Variants in METTL15 observed in about 807,000 individuals in gnomAD.
The protein encoded by METTL15 is 12S rRNA N(4)-cytidine methyltransferase METTL15.
In METTL15, 34 loss-of-function variants were observed where a neutral mutation model predicts 38.3. The ratio of observed to expected loss-of-function variants is 0.89; its 90% CI spans 0.68 to 1.18. METTL15 has a LOEUF of 1.18. Ranked by LOEUF, METTL15 falls within the 50% of genes most tolerant of loss-of-function variation. The pLI, the probability that METTL15 is intolerant of heterozygous loss-of-function variation, is 0.00. For synonymous variants in METTL15, 162 were observed against 170.9 expected, an observed-to-expected ratio of 0.95 and a Z score of 0.41; for missense variants, 438 against 498.4, an observed-to-expected ratio of 0.88 and a Z score of 1.15.
intron 3 of METTL15, among the ~76,000 whole-genome samples, chr11:28,128,439 GTGT>G (rs1386249004): frequency 6.6e-6 from 1 of 152,068 alleles, no homozygotes; most frequent in Non-Finnish European, 1.5e-5. Context: ...TTTTGTAAAT[GTGT>G]TGTTTGCTGA....
At chr11:28,511,063 C>G (rs1851669707) in intron 6 of METTL15, among the ~76,000 whole-genome samples, 1 of 152,200 alleles carries the variant, frequency 6.6e-6, no homozygotes, top group African/African-American at 2.4e-5. Flanking sequence ...GGAAGGCCAC[C>G]TATTGTTAAT....
At chr11:28,519,525 A>G (rs1456438033) in intron 6 of METTL15, among the ~76,000 whole-genome samples, 1 of 151,414 alleles carries the variant, frequency 6.6e-6, no homozygotes, top group African/African-American at 2.4e-5. Flanking sequence ...ACTGCACTCC[A>G]GCCTGGGCGA....
intron 4 of METTL15, among the ~76,000 whole-genome samples, chr11:28,238,128 C>G (rs1282739631): frequency 6.6e-6 from 1 of 152,222 alleles, no homozygotes; most frequent in Admixed American, 6.5e-5. Context: ...CCACTGCTCT[C>G]TTCAAAGCTG....
chr11:28,425,250 A>G (rs1850853983), intron 6 of METTL15, among the ~76,000 whole-genome samples: 1 of 152,180 alleles, frequency 6.6e-6, no homozygotes. Flanking sequence ...CATTCTTTCC[A>G]CACAGAAGTC....
At chr11:28,436,254 G>C (rs1850981169) in intron 6 of METTL15, among the ~76,000 whole-genome samples, 1 of 152,110 alleles carries the variant, frequency 6.6e-6, no homozygotes, top group African/African-American at 2.4e-5. Flanking sequence ...CAACTTTTCT[G>C]ACCCAAAGCC....
intron 6 of METTL15, among the ~76,000 whole-genome samples, chr11:28,453,855 TTTGG>T (rs1431280215): frequency 6.6e-6 from 1 of 152,170 alleles, no homozygotes; most frequent in Non-Finnish European, 1.5e-5. Flanking sequence ...GAAAAATCTG[TTTGG>T]TTGGTTGGTT....
intron 6 of METTL15, among the ~76,000 whole-genome samples, chr11:28,324,858 G>A (rs1849581713): frequency 6.6e-6 from 1 of 152,192 alleles, no homozygotes; most frequent in South Asian, 2.1e-4. Context: ...CCGTAGGCAG[G>A]TGAAAGATGA....
chr11:28,476,380 G>T (rs1209041151), intron 6 of METTL15, among the ~76,000 whole-genome samples: 3 of 152,110 alleles, frequency 2.0e-5, no homozygotes, highest in Admixed American at 2.0e-4. Context: ...TGACCCAGAT[G>T]GTAGATAAGG....
intron 4 of METTL15, among the ~76,000 whole-genome samples, chr11:28,361,763 G>C (rs1310618611): frequency 6.6e-6 from 1 of 152,056 alleles, no homozygotes; most frequent in Non-Finnish European, 1.5e-5. Context: ...TGGATCCCAA[G>C]AGTTTGGGGT....
intron 6 of METTL15, among the ~76,000 whole-genome samples, chr11:28,304,148 T>C (rs1205725317): frequency 6.6e-6 from 1 of 152,186 alleles, no homozygotes; most frequent in Non-Finnish European, 1.5e-5. Flanking sequence ...CTCTTGAGTG[T>C]GGACTTCCAT....
intron 6 of METTL15, among the ~76,000 whole-genome samples, chr11:28,442,195 CA>C (rs1322196491): frequency 2.6e-5 from 4 of 152,150 alleles, no homozygotes; most frequent in African/African-American, 9.7e-5. Context: ...GATTGCATTC[CA>C]AAATGCACTG....
intron 4 of METTL15, among the ~76,000 whole-genome samples, chr11:28,237,648 A>G (rs979556186): frequency 6.6e-6 from 1 of 152,196 alleles, no homozygotes; most frequent in Non-Finnish European, 1.5e-5. Flanking sequence ...CTGGTGAGGA[A>G]CTGCGTTCCT....
intron 4 of METTL15, among the ~76,000 whole-genome samples, chr11:28,237,653 G>T (rs187053877): frequency 0.014 from 2,152 of 152,322 alleles, 33 homozygotes; most frequent in Non-Finnish European, 0.021. Context: ...GAGGAACTGC[G>T]TTCCTTTGGA....
chr11:28,117,259 GTA>G (rs60938215), intron 3 of METTL15, among the ~76,000 whole-genome samples: 1,822 of 108,468 alleles, frequency 0.017, 45 homozygotes, highest in East Asian at 0.084. Flanking sequence ...GTGTGTGTGT[GTA>G]TATATATATA....
chr11:28,205,580 T>G (rs1302942288), intron 3 of METTL15, among the ~76,000 whole-genome samples: 1 of 152,156 alleles, frequency 6.6e-6, no homozygotes, highest in East Asian at 1.9e-4. Context: ...TGTGCATGTG[T>G]CTTTATAGCA....
At position 28,354,956 on chromosome 11, in the gene METTL15, A is replaced by G. The variant is rs12419322; in HGVS notation, c.*258+2798A>G. ...TTTTAAAATCATCAATACAGAGGTGAGTGAGAGGACCTTTCCCTTAACAAA... is the reference window on the plus strand; with the variant it reads ...TTTTAAAATCATCAATACAGAGGTGGGTGAGAGGACCTTTCCCTTAACAAA... On this transcript the variant is annotated intron_variant and NMD_transcript_variant, in intron 4 of 7. Coordinates refer to the METTL15 transcript ENST00000532947. 9.2e-3 allele frequency among the ~76,000 whole-genome samples: 1,396 copies of G among 152,270 alleles called. 72 individuals are homozygous for G. The highest frequency in any genetic ancestry group is 0.084 in the Admixed American group (1,281 of 15,292).
intron 6 of METTL15, among the ~76,000 whole-genome samples, chr11:28,512,333 G>A (rs540803068): frequency 9.8e-5 from 15 of 152,326 alleles, no homozygotes; most frequent in South Asian, 6.2e-4. Flanking sequence ...CAGTGCGCCC[G>A]CACTCCTCAG....
intron 6 of METTL15, among the ~76,000 whole-genome samples, chr11:28,509,359 A>G (rs1185353747): frequency 1.3e-5 from 2 of 152,222 alleles, no homozygotes; most frequent in Non-Finnish European, 2.9e-5. Flanking sequence ...AGTGCTTAGC[A>G]CAAAGTCAAT....
At position 28,215,702 on chromosome 11, in the gene METTL15, G is replaced by A. The variant is rs538036806; in HGVS notation, c.407+4504G>A. ...GCATACAAGAAGATTTGAACAAAAG[G>A]GAAGACATATTTCTTTTGAGGTAGA... On this transcript the variant is annotated intron_variant, in intron 4 of 6. Transcript: ENST00000407364. Among the ~76,000 whole-genome samples, 63 of 152,098 alleles carry A rather than the reference G, an allele frequency of 4.1e-4. 1 individual carries two copies. The highest frequency in any genetic ancestry group is 8.7e-4 in the Non-Finnish European group (59 of 68,020).
Sources: gnomAD v4.1 joint callset for allele counts (sites outside exome capture counted in the v4.1 genomes callset) on GRCh38, gnomAD v4.1.1 for gene constraint, MANE v1.5 for transcripts, NCBI Gene and HGNC (gene_info 2026-07-23, HGNC 2026-07-21) for gene names.